Variants in JMJD1C observed in about 807,000 individuals in gnomAD.
JMJD1C encodes the protein jumonji domain containing 1C.
A neutral mutation model predicts 245.3 loss-of-function variants in JMJD1C; 31 were observed. The observed-to-expected ratio is 0.13, with a 90% CI of 0.09 to 0.17. The LOEUF is 0.17. JMJD1C is among the 10% of genes least tolerant of loss of function. JMJD1C has a pLI of 1.00. For synonymous variants in JMJD1C, 1,057 were observed against 1,017.4 expected, an observed-to-expected ratio of 1.04 and a Z score of -0.74; for missense variants, 2,691 against 3,000.2, an observed-to-expected ratio of 0.90 and a Z score of 2.41.
At position 63,191,054 on chromosome 10, in the gene JMJD1C, T is replaced by C; in HGVS notation, c.6131A>G (p.Asn2044Ser). The C allele has an allele frequency of 6.2e-7, 1 of 1,614,096 alleles. No homozygotes were observed. Among genetic ancestry groups the C allele is most frequent in the Non-Finnish European group, 8.5e-7 (1 of 1,179,952 alleles). The change falls in exon 17 of 26, where the codon AAC (asparagine) becomes AGC (serine). Residue 2044 changes from asparagine (N) to serine (S), a missense_variant. Around this residue, in one of 9 missense-constraint regions of JMJD1C, gnomAD observed 275 missense variants for 285.5 expected, o/e 0.96. Coordinates refer to ENST00000399262, the MANE Select transcript of JMJD1C (RefSeq NM_032776.3). ...NQIKEEREQDNSESPNGRTSP... is the reference protein window; with the variant it reads ...NQIKEEREQDSSESPNGRTSP... ...TGTTCTGCCATTTGGAGATTCAGAG[T>C]TGTCTTGTTCTCTTTCTTCTTTAAT...
Position 63,215,100 on chromosome 10 carries a change from T to G in JMJD1C, c.1067A>C (p.Glu356Ala), listed in dbSNP as rs1847826490. ...KHLMNKRRKP[E>A]EDEKKLNMKR... Reference sequence around the variant, plus strand: ...CATATTTAGTTTCTTTTCATCCTCCTCAGGTTTCCTTCTTTTATTCATCAA... The same window carrying G: ...CATATTTAGTTTCTTTTCATCCTCCGCAGGTTTCCTTCTTTTATTCATCAA... The change falls in exon 8 of 26, where the codon GAG (glutamate) becomes GCG (alanine). Residue 356 changes from glutamate to alanine, a missense_variant. Coordinates refer to ENST00000399262, the MANE Select transcript of JMJD1C (RefSeq NM_032776.3). 1 of 1,583,978 alleles carries G rather than the reference T, an allele frequency of 6.3e-7. No homozygotes were observed. Among genetic ancestry groups the G allele is most frequent in the African/African-American group, 1.4e-5 (1 of 73,162 alleles).
intron 22 of JMJD1C, among the ~76,000 whole-genome samples, chr10:63,182,880 AGATG>A (rs71025123): frequency 0.2 from 30,345 of 151,628 alleles, 3,929 homozygotes; most frequent in Non-Finnish European, 0.29. Flanking sequence ...GTTTTTTTTG[AGATG>A]GAGTTTTGCT....
intron 3 of JMJD1C, among the ~76,000 whole-genome samples, chr10:63,260,905 T>C (rs190880873): frequency 1.3e-5 from 2 of 152,184 alleles, no homozygotes; most frequent in East Asian, 3.9e-4. Flanking sequence ...AAAAAACTAT[T>C]AAAAGTACCT....
intron 17 of JMJD1C, among the ~76,000 whole-genome samples, chr10:63,189,703 T>C (rs1275794911): frequency 6.6e-6 from 1 of 152,142 alleles, no homozygotes; most frequent in Non-Finnish European, 1.5e-5. Flanking sequence ...AGAATACAAG[T>C]AGGTGGCATC....
intron 2 of JMJD1C, among the ~76,000 whole-genome samples, chr10:63,323,740 T>C (rs1941188342): frequency 6.6e-6 from 1 of 152,240 alleles, no homozygotes; most frequent in African/African-American, 2.4e-5. Context: ...AATCTTCAAA[T>C]GTCTTTGTAT....
In JMJD1C at chr10:63,264,732, G is replaced by T. The variant is rs776329903; in HGVS notation, c.366C>A (p.Pro122=). 6.3e-7 allele frequency: 1 copy of T among 1,593,002 alleles called. No homozygotes were observed. Among genetic ancestry groups the T allele is most frequent in the South Asian group, 1.1e-5 (1 of 87,210 alleles). ...TFKPLVERNI[P]SSVTAVEFLV... ...GGAATTCTACTGCAGTGACTGAACT[G>T]GGTATATTTCTTTCAACCAGAGGTT... The change falls in exon 3 of 26, where the codon CCC becomes CCA. Residue 122 remains proline (P), a synonymous_variant. Transcript: ENST00000399262.
Position 63,208,329 on chromosome 10 carries a change from C to T in JMJD1C, c.3340G>A (p.Val1114Ile), listed in dbSNP as rs781664751. Reference sequence around the variant, plus strand: ...TGTTTATCACCGTAAATATTTGAAACTTCTTTGGATGGGTATGATCTTGGT... The same window carrying T: ...TGTTTATCACCGTAAATATTTGAAATTTCTTTGGATGGGTATGATCTTGGT... ...EPPRSYPSKEVSNIYGDKQSN... is the reference protein window; with the variant it reads ...EPPRSYPSKEISNIYGDKQSN... Residue 1114 changes from valine to isoleucine, a missense_variant, in exon 10 of 26, where the codon GTT (valine) becomes ATT (isoleucine). By Grantham distance (29) the Val-to-Ile change is conservative. Transcript: ENST00000399262. The T allele has an allele frequency of 1.2e-6, 2 of 1,613,942 alleles. No homozygotes were observed. The highest frequency in any genetic ancestry group is 1.3e-5 in the African/African-American group (1 of 74,900).
intron 16 of JMJD1C, 66 bp downstream of exon 16, chr10:63,192,872 T>C (rs966857353): frequency 7.6e-6 from 9 of 1,180,310 alleles, no homozygotes; most frequent in African/African-American, 6.0e-5. Flanking sequence ...TATTGTACAA[T>C]AGTACATTGT....
rs372675515 is a variant in JMJD1C, at chr10:63,323,837, C to CAT, written c.333+56479_333+56480dup. Among the ~76,000 whole-genome samples, 316 of 150,972 alleles carry CAT rather than the reference C, an allele frequency of 2.1e-3. 3 individuals are homozygous for CAT. Among genetic ancestry groups the CAT allele is most frequent in the Non-Finnish European group, 2.9e-3 (195 of 67,638 alleles). On this transcript the variant is annotated intron_variant, in intron 2 of 25. Transcript: ENST00000399262. ...GTGTTTGCATATGTGTGTGTGTATA[C>CAT]ATATATATATATAGGCTCATTATCT...
At chr10:63,222,539 C>A in intron 3 of JMJD1C, 1 of 1,498,342 alleles carries the variant, frequency 6.7e-7, no homozygotes, top group Non-Finnish European at 9.3e-7. Context: ...AGATACTCAA[C>A]TCAAATACTG....
At chr10:63,266,404 T>C (rs1408463744) in intron 2 of JMJD1C, among the ~76,000 whole-genome samples, 3 of 152,084 alleles carry the variant, frequency 2.0e-5, no homozygotes, top group Non-Finnish European at 4.4e-5. Context: ...AAATCCTATT[T>C]ATTATTTTAC....
intron 1 of JMJD1C, among the ~76,000 whole-genome samples, chr10:63,407,848 G>T (rs1949260964): frequency 6.7e-6 from 1 of 150,142 alleles, no homozygotes; most frequent in African/African-American, 2.4e-5. Flanking sequence ...AAAATCTTTA[G>T]CAAATTAAAT....
chr10:63,470,711 G>A (rs898727425), upstream of JMJD1C, among the ~76,000 whole-genome samples: 1 of 152,056 alleles, frequency 6.6e-6, no homozygotes, highest in Non-Finnish European at 1.5e-5. Flanking sequence ...CTATCTTCTT[G>A]ATGCCATGGA....
chr10:63,474,856 TAAAA>T (rs35508893), intron 1 of JMJD1C, among the ~76,000 whole-genome samples: 3 of 144,552 alleles, frequency 2.1e-5, no homozygotes, highest in African/African-American at 5.1e-5. Context: ...CTCAAATTAT[TAAAA>T]AAAAAAAAGA....
intron 1 of JMJD1C, among the ~76,000 whole-genome samples, chr10:63,405,887 G>A (rs542940151): frequency 2.0e-5 from 3 of 152,092 alleles, no homozygotes; most frequent in Non-Finnish European, 2.9e-5. Context: ...AGTTTCTGGT[G>A]TCCAATTTTT....
chr10:63,420,714 CAAAAAAAAAAAAA>C (rs35090799), intron 1 of JMJD1C, among the ~76,000 whole-genome samples: 1 of 47,720 alleles, frequency 2.1e-5, no homozygotes, highest in Non-Finnish European at 4.1e-5. Context: ...GACCCAGTCT[CAAAAAAAAAAAAA>C]AAAAAAAAGG....
In JMJD1C at chr10:63,185,611, A is replaced by C; in HGVS notation, c.6782T>G (p.Leu2261Trp). Residue 2261 changes from leucine to tryptophan, a missense_variant, in exon 20 of 26, where the codon TTG (leucine) becomes TGG (tryptophan). Leu to Trp is a moderately conservative substitution (Grantham distance 61). This residue lies in a region of JMJD1C where 232 missense variants were observed against 416.1 expected (regional missense o/e 0.56). Transcript: ENST00000399262. Reference protein sequence around the residue: ...NKSGETVVLKLKDWPSGEDFK... With the variant: ...NKSGETVVLKWKDWPSGEDFK... Reference sequence around the variant, plus strand: ...GTCTTCTCCTGAAGGCCAGTCTTTCAATTTTAAAACAACTGTTTCTCCACT... The same window carrying C: ...GTCTTCTCCTGAAGGCCAGTCTTTCCATTTTAAAACAACTGTTTCTCCACT... 6.2e-7 allele frequency: 1 copy of C among 1,606,986 alleles called. No individual in the cohort carries two copies. The highest frequency in any genetic ancestry group is 8.5e-7 in the Non-Finnish European group (1 of 1,173,436).
At chr10:63,311,854 A>G (rs911584339) in intron 2 of JMJD1C, among the ~76,000 whole-genome samples, 4 of 151,502 alleles carry the variant, frequency 2.6e-5, no homozygotes, top group Admixed American at 2.0e-4. Flanking sequence ...TGGAATAAGT[A>G]GGCAAAATGT....
intron 1 of JMJD1C, among the ~76,000 whole-genome samples, chr10:63,421,983 A>G (rs182134868): frequency 6.6e-6 from 1 of 152,364 alleles, no homozygotes; most frequent in East Asian, 1.9e-4. Context: ...CAACCCTAGC[A>G]AACTAATACA....
Sources: gnomAD v4.1 joint callset for allele counts (sites outside exome capture counted in the v4.1 genomes callset) on GRCh38, gnomAD v4.1.1 for gene constraint, gnomAD v4.1.1 regional missense constraint, MANE v1.5 for transcripts, NCBI Gene and HGNC (gene_info 2026-07-23, HGNC 2026-07-21) for gene names.